The following SYNE2 variants were observed in gnomAD, a reference collection of about 807,000 sequenced individuals.
The protein encoded by SYNE2 is nesprin-2.
A neutral mutation model predicts 856.3 loss-of-function variants in SYNE2; 431 were observed. The observed-to-expected ratio is 0.50, with a 90% CI of 0.47 to 0.55. The LOEUF (loss-of-function observed/expected upper bound fraction) is 0.55, where lower values mean the gene tolerates loss of function less well. Among genes scored for constraint, SYNE2 ranks in the 20% least tolerant of loss-of-function variants. The probability of loss-of-function intolerance (pLI) is 0.00; values close to 1 mark genes in which losing one functional copy is unlikely to be tolerated. For missense variants in SYNE2, 8,129 were observed against 8,023.2 expected, an observed-to-expected ratio of 1.01 and a Z score of -0.50; for synonymous variants, 2,923 against 2,872.3, an observed-to-expected ratio of 1.02 and a Z score of -0.56.
At chr14:63,897,845 G>A (rs1414240451) in intron 1 of SYNE2, among the ~76,000 whole-genome samples, 1 of 152,182 alleles carries the variant, frequency 6.6e-6, no homozygotes, top group African/African-American at 2.4e-5. Flanking sequence ...TGAGAAAAAT[G>A]AAGTCAGATG....
chr14:63,889,175 A>G (rs2095069268), intron 1 of SYNE2, among the ~76,000 whole-genome samples: 1 of 151,462 alleles, frequency 6.6e-6, no homozygotes, highest in Non-Finnish European at 1.5e-5. Flanking sequence ...GTTTTCTGGA[A>G]CATTAAAAAT....
chr14:64,081,682 A>G, intron 57 of SYNE2, 102 bp downstream of exon 57: 3 of 1,315,282 alleles, frequency 2.3e-6, no homozygotes, highest in South Asian at 2.4e-5. Flanking sequence ...CTGAAATACA[A>G]CCTTACCGCT....
At position 63,964,355 on chromosome 14, in the gene SYNE2, C is replaced by T. The variant is rs2096361994; in HGVS notation, c.990+355C>T. On this transcript the variant is annotated intron_variant, in intron 10 of 115. Transcript: ENST00000555002. Reference sequence around the variant, plus strand: ...ATAAAATGTTGTTGGAACAGAGCCACACCCATTTAAGTATTGCCAGTCACT... The same window carrying T: ...ATAAAATGTTGTTGGAACAGAGCCATACCCATTTAAGTATTGCCAGTCACT... Among the ~76,000 whole-genome samples the T allele has an allele frequency of 2.6e-5, 4 of 152,176 alleles. No individual in the cohort carries two copies. In the South Asian group the frequency reaches 8.3e-4, roughly 31 times the overall value.
intron 61 of SYNE2, chr14:64,094,916 G>T (rs1002802632): frequency 1.3e-4 from 21 of 167,720 alleles, no homozygotes; most frequent in Non-Finnish European, 2.8e-4. Flanking sequence ...GTCTCACTGT[G>T]TTACCCAGGC....
chr14:63,935,202 C>T (rs1352308130), intron 2 of SYNE2, among the ~76,000 whole-genome samples: 1 of 152,142 alleles, frequency 6.6e-6, no homozygotes, highest in Non-Finnish European at 1.5e-5. Context: ...ACAGGAATAA[C>T]TCTCAAAAGC....
chr14:64,148,774 G>A (rs2098212072), intron 84 of SYNE2, among the ~76,000 whole-genome samples: 1 of 152,140 alleles, frequency 6.6e-6, no homozygotes, highest in South Asian at 2.1e-4. Context: ...ACCCCATGTA[G>A]CATCATGTGT....
At position 64,218,278 on chromosome 14, in the gene SYNE2, A is replaced by G. The variant is rs1435869420; in HGVS notation, c.19543-120A>G. The G allele has an allele frequency of 2.1e-5, 19 of 889,928 alleles. No individual in the cohort carries two copies. The East Asian group carries it at 5.1e-4, about 24-fold the overall frequency. The allele number at this position is 889,928 out of a possible 1,614,324, so 55.1% of individuals were successfully genotyped here. On this transcript the variant is annotated intron_variant, in intron 108 of 115. Coordinates refer to ENST00000555002, the MANE Select transcript of SYNE2 (RefSeq NM_182914.3). ...AAAGCACCACTGTATTCCTAGCAAG[A>G]TACCCTTCAAAGGAAAGGGGCCCAT...
Position 63,986,479 on chromosome 14 carries a change from AAATG to A in SYNE2, c.2178_2181del (p.Asn726LysfsTer7). The A allele has an allele frequency of 6.2e-7, 1 of 1,614,186 alleles. No homozygotes were observed. Among genetic ancestry groups the A allele is most frequent in the Non-Finnish European group, 8.5e-7 (1 of 1,180,024 alleles). Reference sequence around the variant, plus strand: ...AGGCTGGAGAGAAACATGAAAAAGAAAATGAAGAATTCACAGGGCAACTAAAAGT... The same window carrying A: ...AGGCTGGAGAGAAACATGAAAAAGAAAAGAATTCACAGGGCAACTAAAAGT... On this transcript the variant is annotated frameshift_variant, in exon 19 of 116. Coordinates refer to ENST00000555002, the MANE Select transcript of SYNE2 (RefSeq NM_182914.3). LOFTEE classifies it high-confidence loss of function.
At chr14:64,222,710 AGT>A (rs2098700355) in intron 112 of SYNE2, among the ~76,000 whole-genome samples, 1 of 152,160 alleles carries the variant, frequency 6.6e-6, no homozygotes, top group Admixed American at 6.6e-5. Context: ...TGGGCGACAG[AGT>A]GAGACTCCAC....
intron 2 of SYNE2, among the ~76,000 whole-genome samples, chr14:63,918,546 T>C (rs770403836): frequency 5.9e-5 from 9 of 152,224 alleles, no homozygotes; most frequent in Non-Finnish European, 1.2e-4. Context: ...TGTGTCTCTT[T>C]GGGAGAGAGA....
At chr14:63,832,866 C>CAAAAAAA (rs36099684) in intron 1 of SYNE2, among the ~76,000 whole-genome samples, 1 of 64,748 alleles carries the variant, frequency 1.5e-5, no homozygotes, top group Non-Finnish European at 2.9e-5. Context: ...CTGTCTCTAC[C>CAAAAAAA]AAAAAAAAAA....
intron 48 of SYNE2, among the ~76,000 whole-genome samples, 188 bp downstream of exon 48, chr14:64,053,845 T>C (rs2097247671): frequency 6.6e-6 from 1 of 152,160 alleles, no homozygotes. Flanking sequence ...GGCACATGGT[T>C]GTAATCCCAG....
chr14:64,119,291 C>A, intron 66 of SYNE2, 136 bp from the exon 67 acceptor site: 28 of 1,144,168 alleles, frequency 2.4e-5, no homozygotes, highest in East Asian at 7.4e-5. Context: ...TTTTGTTTTT[C>A]CAGGGTTTCT....
upstream of SYNE2, among the ~76,000 whole-genome samples, chr14:63,850,189 C>A (rs182638762): frequency 5.5e-3 from 818 of 147,440 alleles, 5 homozygotes; most frequent in African/African-American, 0.019. Flanking sequence ...TCAAGCGATT[C>A]TCCTGCCTCA....
At chr14:64,202,106 G>A in intron 99 of SYNE2, 1 of 687,922 alleles carries the variant, frequency 1.5e-6, no homozygotes, top group South Asian at 1.5e-5. Flanking sequence ...TGGGCCGGAT[G>A]GGAGCTGAGG....
At chr14:63,927,443 G>C (rs879877104) in intron 2 of SYNE2, among the ~76,000 whole-genome samples, 1 of 152,150 alleles carries the variant, frequency 6.6e-6, no homozygotes, top group African/African-American at 2.4e-5. Context: ...TAATTCCCAC[G>C]TGTTGTGGGA....
intron 2 of SYNE2, among the ~76,000 whole-genome samples, chr14:63,917,793 A>G (rs2095549753): frequency 6.6e-6 from 1 of 152,146 alleles, no homozygotes; most frequent in Non-Finnish European, 1.5e-5. Context: ...TCTTAAAAAT[A>G]TTCTAATTAA....
At chr14:64,220,944 TAA>T (rs1384654985) in intron 111 of SYNE2, among the ~76,000 whole-genome samples, 1 of 152,100 alleles carries the variant, frequency 6.6e-6, no homozygotes, top group African/African-American at 2.4e-5. Flanking sequence ...CCAGAGTGAT[TAA>T]GAGACCTGGC....
intron 27 of SYNE2, among the ~76,000 whole-genome samples, chr14:64,000,303 A>G (rs2096743983): frequency 6.6e-6 from 1 of 152,138 alleles, no homozygotes; most frequent in Non-Finnish European, 1.5e-5. Flanking sequence ...ACCTTAGGGG[A>G]AGGGAGTTTG....
Sources: gnomAD v4.1 joint callset for allele counts (sites outside exome capture counted in the v4.1 genomes callset) on GRCh38, gnomAD v4.1.1 for gene constraint, MANE v1.5 for transcripts, NCBI Gene and HGNC (gene_info 2026-07-23, HGNC 2026-07-21) for gene names.